KCNIP4: variants seen among roughly 807,000 people sequenced by gnomAD.
The protein encoded by KCNIP4 is Kv channel-interacting protein 4.
KCNIP4 carries 12 observed loss-of-function variants against 34.0 expected under a neutral mutation model. The ratio of observed to expected loss-of-function variants is 0.35; its 90% confidence interval spans 0.23 to 0.57. KCNIP4 has a LOEUF of 0.57. Ranked by LOEUF, KCNIP4 falls within the 20% of genes least tolerant of loss-of-function variation. The pLI is 0.83. For synonymous variants in KCNIP4, 124 were observed against 102.2 expected (o/e 1.21, Z -1.29); for missense variants, 238 against 311.7 (o/e 0.76, Z 1.78).
intron 3 of KCNIP4, 96 bp from the exon 4 acceptor site, chr4:20,758,986 T>A: frequency 1.2e-6 from 1 of 864,822 alleles, no homozygotes; most frequent in Middle Eastern, 2.3e-4. Context: ...CATGCAAAGC[T>A]GCACCAAGAA....
chr4:21,154,641 A>C (rs1753013903), intron 1 of KCNIP4, among the ~76,000 whole-genome samples: 2 of 152,226 alleles, frequency 1.3e-5, no homozygotes, highest in African/African-American at 4.8e-5. Context: ...TAAAAGTGAT[A>C]ATCTTCCCAA....
chr4:20,882,432 G>GA (rs1395401916), intron 2 of KCNIP4, among the ~76,000 whole-genome samples, 176 bp downstream of exon 2: 3 of 152,160 alleles, frequency 2.0e-5, no homozygotes, highest in Non-Finnish European at 4.4e-5. Context: ...CTGCAAAATG[G>GA]AAAATGACTC....
rs1163747871 is a variant in KCNIP4 at position 21,014,997 on chromosome 4, T to C, written c.62-132288A>G. On this transcript the variant is annotated intron_variant, in intron 1 of 8. Transcript: ENST00000382152. ...TGAACCTTGAAAACATTATGCTAAG[T>C]GAAATAAGCCAGACACAAAAGGACG... is the stretch of plus-strand genomic sequence containing the variant. Among the ~76,000 whole-genome samples, 3 of 152,150 alleles carry C rather than the reference T, an allele frequency of 2.0e-5. No homozygotes were observed. In the East Asian group the frequency reaches 5.8e-4, roughly 29 times the overall value.
chr4:21,087,737 T>C (rs1398240918), intron 1 of KCNIP4, among the ~76,000 whole-genome samples: 2 of 152,180 alleles, frequency 1.3e-5, no homozygotes, highest in Non-Finnish European at 2.9e-5. Context: ...TTCAATGGAC[T>C]TCTGTTATCA....
intron 1 of KCNIP4, among the ~76,000 whole-genome samples, chr4:21,456,189 C>T (rs1728941431): frequency 6.8e-6 from 1 of 147,378 alleles, no homozygotes; most frequent in South Asian, 2.1e-4. Flanking sequence ...CTGCCAGTTA[C>T]AGGGACATTA....
At chr4:21,395,930 A>G (rs1019985005) in intron 1 of KCNIP4, among the ~76,000 whole-genome samples, 1 of 152,136 alleles carries the variant, frequency 6.6e-6, no homozygotes, top group Non-Finnish European at 1.5e-5. Context: ...ATTGATCTCA[A>G]ATAGAAAACA....
intron 5 of KCNIP4, among the ~76,000 whole-genome samples, chr4:20,736,974 T>C (rs1749764961): frequency 6.6e-6 from 1 of 152,178 alleles, no homozygotes; most frequent in Admixed American, 6.5e-5. Flanking sequence ...AACAGTAGAA[T>C]AGAATTGAGT....
chr4:21,455,611 TAAAG>T (rs1553885218), intron 1 of KCNIP4, among the ~76,000 whole-genome samples: 2 of 143,326 alleles, frequency 1.4e-5, no homozygotes, highest in Non-Finnish European at 3.1e-5. Context: ...ATTTTACAGA[TAAAG>T]AAACTGAAGG....
At chr4:21,448,717 C>G (rs1395972015) in intron 1 of KCNIP4, among the ~76,000 whole-genome samples, 1 of 152,074 alleles carries the variant, frequency 6.6e-6, no homozygotes, top group Non-Finnish European at 1.5e-5. Flanking sequence ...GAGGGACATC[C>G]TTTTTACTTC....
chr4:21,545,164 A>G (rs1351857067), intron 1 of KCNIP4, among the ~76,000 whole-genome samples: 2 of 152,122 alleles, frequency 1.3e-5, no homozygotes, highest in African/African-American at 2.4e-5. Flanking sequence ...AGACACTCCC[A>G]TGACAGTTTA....
chr4:21,013,006 T>A (rs1019372950), intron 1 of KCNIP4, among the ~76,000 whole-genome samples: 1 of 152,158 alleles, frequency 6.6e-6, no homozygotes, highest in South Asian at 2.1e-4. Context: ...CCAAAGGCAA[T>A]GAGCACAGAG....
At position 21,817,820 on chromosome 4, in the gene KCNIP4, T is replaced by A. The variant is rs547925773; in HGVS notation, c.61+130751A>T. Among the ~76,000 whole-genome samples, 12 of 152,252 alleles carry A rather than the reference T, an allele frequency of 7.9e-5. No individual in the cohort carries two copies. In the East Asian group the frequency reaches 2.3e-3, roughly 29 times the overall value. On this transcript the variant is annotated intron_variant, in intron 1 of 8. Transcript: ENST00000382152. ...TGCTCTCGAACCCTGTTTTCTGTTG[T>A]TTAAGATGTTTATCAAGACAATATG...
chr4:21,138,200 A>C (rs756766651), intron 1 of KCNIP4, among the ~76,000 whole-genome samples: 1 of 151,946 alleles, frequency 6.6e-6, no homozygotes, highest in Non-Finnish European at 1.5e-5. Flanking sequence ...TGCCACCTGG[A>C]ATTCTTTTTT....
intron 1 of KCNIP4, among the ~76,000 whole-genome samples, chr4:21,830,534 C>A (rs1333735909): frequency 6.6e-6 from 1 of 151,886 alleles, no homozygotes; most frequent in African/African-American, 2.4e-5. Flanking sequence ...CAAAAATTCG[C>A]CGGGTGCCAC....
In KCNIP4 at chr4:21,631,048, C is replaced by T. The variant is rs75640885; in HGVS notation, c.61+317523G>A. Among the ~76,000 whole-genome samples the T allele has an allele frequency of 1.1e-3, 171 of 152,278 alleles. 1 individual carries two copies. Among genetic ancestry groups the T allele is most frequent in the Non-Finnish European group, 2.0e-3 (137 of 68,016 alleles). ...ATAGTGTTATTCTGTGACGCTTCCT[C>T]ACTATATTCGGTAAGGAAAATGTAC... On this transcript the variant is annotated intron_variant, in intron 1 of 8. Transcript: ENST00000382152.
chr4:21,535,583 T>C (rs1737089852), intron 1 of KCNIP4, among the ~76,000 whole-genome samples: 1 of 152,212 alleles, frequency 6.6e-6, no homozygotes, highest in African/African-American at 2.4e-5. Context: ...TACCCTCATT[T>C]GATTTGCGGC....
intron 1 of KCNIP4, among the ~76,000 whole-genome samples, chr4:21,619,813 G>T (rs1744881907): frequency 6.6e-6 from 1 of 152,226 alleles, no homozygotes; most frequent in Non-Finnish European, 1.5e-5. Flanking sequence ...TCTAATGGAA[G>T]ATGCAGAAGG....
intron 1 of KCNIP4, among the ~76,000 whole-genome samples, chr4:21,294,617 G>GTAAAT (rs1407039483): frequency 6.6e-6 from 1 of 152,112 alleles, no homozygotes; most frequent in Non-Finnish European, 1.5e-5. Flanking sequence ...GTAAAATGGT[G>GTAAAT]AGGTCCTCAC....
intron 1 of KCNIP4, among the ~76,000 whole-genome samples, chr4:21,647,446 G>T (rs1259640583): frequency 1.3e-5 from 2 of 152,032 alleles, no homozygotes; most frequent in Non-Finnish European, 2.9e-5. Context: ...GTGGGCACTG[G>T]CCATGGACCC....
Sources: allele counts gnomAD v4.1 joint callset (sites outside exome capture counted in the v4.1 genomes callset), GRCh38; gene constraint gnomAD v4.1.1; transcripts MANE v1.5; gene names NCBI Gene and HGNC (gene_info 2026-07-23, HGNC 2026-07-21).